PLCB4: variants seen among roughly 807,000 people sequenced by gnomAD.
PLCB4 encodes the protein 1-phosphatidylinositol 4,5-bisphosphate phosphodiesterase beta-4.
Under a neutral mutation model 178.8 loss-of-function variants are expected in PLCB4, and 77 were observed. The ratio of observed to expected loss-of-function variants is 0.43; its 90% confidence interval spans 0.36 to 0.52. The LOEUF (loss-of-function observed/expected upper bound fraction) is 0.52. Among genes scored for constraint, PLCB4 ranks in the 20% least tolerant of loss-of-function variants. PLCB4 has a pLI of 0.00. For missense variants in PLCB4, 1,024 were observed against 1,453.4 expected, an observed-to-expected ratio of 0.70 and a Z score of 4.80; for synonymous variants, 496 against 490.8, an observed-to-expected ratio of 1.01 and a Z score of -0.14.
rs764045991 is a variant in PLCB4, at chr20:9,435,640, A to T, written c.2605A>T (p.Ile869Phe). ...AGCAGACCAAATGAGAGCTATGGGCATTGAAACTGTAAGTAGAAATGGTTG... is the reference window on the plus strand; with the variant it reads ...AGCAGACCAAATGAGAGCTATGGGCTTTGAAACTGTAAGTAGAAATGGTTG... ...KRADQMRAMG[I>F]ETSDIADVPS... The change falls in exon 29 of 40, where the codon ATT becomes TTT. Residue 869 changes from isoleucine (I) to phenylalanine (F), a missense_variant. Around this residue, in one of 7 missense-constraint regions of PLCB4, gnomAD observed 227 missense variants for 374.3 expected, o/e 0.61. Coordinates refer to ENST00000378473, the MANE Select transcript of PLCB4 (RefSeq NM_001377142.1). 15 of 1,580,498 alleles carry T rather than the reference A, an allele frequency of 9.5e-6. No homozygotes were observed. The East Asian group carries it at 3.1e-4, about 33-fold the overall frequency.
chr20:9,101,070 C>A (rs917614360), intron 2 of PLCB4, among the ~76,000 whole-genome samples: 1 of 152,020 alleles, frequency 6.6e-6, no homozygotes, highest in East Asian at 1.9e-4. Flanking sequence ...GAACCATCAC[C>A]CCAGGGACAG....
intron 1 of PLCB4, among the ~76,000 whole-genome samples, chr20:9,078,217 G>A (rs897379098): frequency 1.3e-5 from 2 of 152,120 alleles, no homozygotes; most frequent in Non-Finnish European, 2.9e-5. Flanking sequence ...CTAGGCTCAA[G>A]CAGTCCCCCC....
At chr20:9,214,992 T>C (rs1463837631) in intron 2 of PLCB4, among the ~76,000 whole-genome samples, 2 of 152,146 alleles carry the variant, frequency 1.3e-5, no homozygotes, top group East Asian at 3.9e-4. Flanking sequence ...CGAAATGACT[T>C]GGGCAGCAAG....
At chr20:9,467,196 G>A (rs944924541) in intron 35 of PLCB4, among the ~76,000 whole-genome samples, 10 of 152,128 alleles carry the variant, frequency 6.6e-5, no homozygotes, top group East Asian at 1.9e-4. Flanking sequence ...ACCAAACACC[G>A]TATGTTCTTA....
chr20:9,363,741 G>A (rs2035539927), intron 8 of PLCB4, among the ~76,000 whole-genome samples: 2 of 152,200 alleles, frequency 1.3e-5, no homozygotes, highest in African/African-American at 4.8e-5. Flanking sequence ...CCTTCACAGG[G>A]CCATTGGCAG....
intron 2 of PLCB4, among the ~76,000 whole-genome samples, chr20:9,207,185 A>G (rs1421196577): frequency 6.6e-6 from 1 of 152,222 alleles, no homozygotes; most frequent in Non-Finnish European, 1.5e-5. Flanking sequence ...AGATTAAAGG[A>G]GGTTTCTGTG....
intron 3 of PLCB4, among the ~76,000 whole-genome samples, chr20:9,218,701 A>G (rs1034557902): frequency 6.6e-5 from 10 of 152,172 alleles, no homozygotes; most frequent in African/African-American, 2.4e-4. Flanking sequence ...ACAACCTGAC[A>G]CTTCTCTAAG....
chr20:9,430,502 A>G (rs2041322014), intron 28 of PLCB4, among the ~76,000 whole-genome samples: 2 of 152,258 alleles, frequency 1.3e-5, no homozygotes, highest in African/African-American at 4.8e-5. Flanking sequence ...TTCAAAAAAT[A>G]AGACCAAATA....
At chr20:9,119,128 ATGGGCCCTTAG>A (rs1156877640) in intron 2 of PLCB4, among the ~76,000 whole-genome samples, 1 of 152,126 alleles carries the variant, frequency 6.6e-6, no homozygotes, top group Non-Finnish European at 1.5e-5. Context: ...AGTACATTTT[ATGGGCCCTTAG>A]CATTTTGCTA....
intron 9 of PLCB4, among the ~76,000 whole-genome samples, chr20:9,370,408 C>A (rs2036148472): frequency 6.6e-6 from 1 of 152,042 alleles, no homozygotes; most frequent in African/African-American, 2.4e-5. Context: ...CTGATCACGC[C>A]CGTGTCAACT....
In PLCB4 at chr20:9,204,955, G is replaced by T. The variant is rs192918954; in HGVS notation, c.-78-12435G>T. Among the ~76,000 whole-genome samples the T allele has an allele frequency of 1.4e-3, 210 of 151,696 alleles. 2 individuals carry two copies. Among genetic ancestry groups the T allele is most frequent in the African/African-American group, 4.8e-3 (199 of 41,354 alleles). On this transcript the variant is annotated intron_variant, in intron 2 of 39. Transcript: ENST00000378473. ...TGAATAATTTTTATATTGATTACAT[G>T]TACATTGATTATATTTTAAAATTCT...
intron 2 of PLCB4, among the ~76,000 whole-genome samples, chr20:9,173,891 T>A (rs2093107983): frequency 6.6e-6 from 1 of 152,182 alleles, no homozygotes; most frequent in African/African-American, 2.4e-5. Flanking sequence ...ATCTAATTCC[T>A]TCAGGCTGTG....
At chr20:9,384,488 G>C in intron 14 of PLCB4, 77 bp downstream of exon 14, 3 of 1,011,870 alleles carry the variant, frequency 3.0e-6, no homozygotes, top group Non-Finnish European at 4.7e-6. Flanking sequence ...TGAAAAACAG[G>C]AAATAGTAAT....
chr20:9,386,938 G>A (rs1362123971), intron 14 of PLCB4, among the ~76,000 whole-genome samples: 2 of 150,112 alleles, frequency 1.3e-5, no homozygotes, highest in Non-Finnish European at 1.5e-5. Flanking sequence ...TGTTGCCCAG[G>A]CTGGAGTGCA....
intron 2 of PLCB4, among the ~76,000 whole-genome samples, chr20:9,157,485 A>G (rs2092811158): frequency 6.6e-6 from 1 of 152,136 alleles, no homozygotes; most frequent in Non-Finnish European, 1.5e-5. Context: ...AACTCTTAGT[A>G]ATTAAAAATT....
chr20:9,311,541 C>G (rs1345350346), intron 4 of PLCB4, among the ~76,000 whole-genome samples: 4 of 152,066 alleles, frequency 2.6e-5, no homozygotes, highest in Admixed American at 6.6e-5. Flanking sequence ...GTTCCTGTTT[C>G]CTTTATTTTA....
chr20:9,091,799 A>C (rs2090691291), intron 1 of PLCB4, among the ~76,000 whole-genome samples: 1 of 151,900 alleles, frequency 6.6e-6, no homozygotes, highest in East Asian at 1.9e-4. Context: ...CCATTATTAT[A>C]TTTCTAGAAG....
intron 2 of PLCB4, among the ~76,000 whole-genome samples, chr20:9,193,107 T>C (rs554251689): frequency 6.6e-6 from 1 of 152,332 alleles, no homozygotes; most frequent in East Asian, 1.9e-4. Flanking sequence ...ATTGAGCACC[T>C]ACCATGTGCT....
At chr20:9,379,476 G>A (rs1020979229) in intron 12 of PLCB4, among the ~76,000 whole-genome samples, 1 of 151,988 alleles carries the variant, frequency 6.6e-6, no homozygotes, top group Admixed American at 6.6e-5. Flanking sequence ...ATTACAATTG[G>A]TTCGTTTTGA....
Sources: gnomAD v4.1 joint callset for allele counts (sites outside exome capture counted in the v4.1 genomes callset) on GRCh38, gnomAD v4.1.1 for gene constraint, gnomAD v4.1.1 regional missense constraint, MANE v1.5 for transcripts, NCBI Gene and HGNC (gene_info 2026-07-23, HGNC 2026-07-21) for gene names.